Variants in PAK5 observed in about 807,000 individuals in gnomAD.
PAK5 encodes serine/threonine-protein kinase PAK 5.
PAK5 carries 16 observed loss-of-function variants against 65.9 expected under a neutral mutation model. The observed-to-expected ratio is 0.24, with a 90% CI of 0.16 to 0.37. The LOEUF is 0.37. Among genes scored for constraint, PAK5 ranks in the 10% least tolerant of loss-of-function variants. PAK5 has a pLI of 1.00. For synonymous variants in PAK5, 371 were observed against 354.9 expected (o/e 1.05, Z -0.51); for missense variants, 785 against 903.9 (o/e 0.87, Z 1.69).
chr20:9,762,234 T>C (rs993837406), intron 1 of PAK5, among the ~76,000 whole-genome samples: 3 of 152,040 alleles, frequency 2.0e-5, no homozygotes, highest in Non-Finnish European at 4.4e-5. Flanking sequence ...ACCCAAAGCA[T>C]AGGAAACAGA....
At chr20:9,726,403 G>A (rs1033147533) in intron 1 of PAK5, among the ~76,000 whole-genome samples, 2 of 152,102 alleles carry the variant, frequency 1.3e-5, no homozygotes, top group Non-Finnish European at 2.9e-5. Context: ...CAGTCAAAAA[G>A]TAATAGCCTC....
chr20:9,731,476 C>G (rs1411968377), intron 1 of PAK5, among the ~76,000 whole-genome samples: 1 of 152,090 alleles, frequency 6.6e-6, no homozygotes, highest in East Asian at 1.9e-4. Context: ...TTCTCAGTAG[C>G]CACATGTGGT....
chr20:9,577,924 G>A (rs1359963304), intron 4 of PAK5, among the ~76,000 whole-genome samples: 2 of 152,162 alleles, frequency 1.3e-5, no homozygotes, highest in East Asian at 1.9e-4. Context: ...AGATTTCAGG[G>A]CAGGTCTGCT....
intron 7 of PAK5, among the ~76,000 whole-genome samples, chr20:9,546,152 A>G (rs367634488): frequency 6.4e-4 from 97 of 152,238 alleles, no homozygotes; most frequent in African/African-American, 2.2e-3. Context: ...TATTATGGTA[A>G]TTTCCAAACA....
At chr20:9,549,472 G>A (rs561613171) in intron 7 of PAK5, among the ~76,000 whole-genome samples, 2 of 152,304 alleles carry the variant, frequency 1.3e-5, no homozygotes, top group Admixed American at 6.5e-5. Flanking sequence ...AGGGGCTGGA[G>A]TGATGGGGGA....
chr20:9,648,661 T>C (rs1237817541), intron 2 of PAK5, among the ~76,000 whole-genome samples: 3 of 152,146 alleles, frequency 2.0e-5, no homozygotes, highest in African/African-American at 7.2e-5. Flanking sequence ...GGTGTTATTA[T>C]CATCGCCCTT....
chr20:9,721,085 C>G (rs8118513), intron 1 of PAK5, among the ~76,000 whole-genome samples: 1 of 151,928 alleles, frequency 6.6e-6, no homozygotes, highest in Non-Finnish European at 1.5e-5. Context: ...TCATTTTAAA[C>G]GAGTTAATTG....
At chr20:9,567,326 A>C (rs2045699493) in intron 4 of PAK5, among the ~76,000 whole-genome samples, 1 of 152,034 alleles carries the variant, frequency 6.6e-6, no homozygotes, top group Non-Finnish European at 1.5e-5. Flanking sequence ...AGTCTCTATC[A>C]CTCTACTGGG....
intron 3 of PAK5, among the ~76,000 whole-genome samples, chr20:9,615,608 A>T (rs2046640962): frequency 6.6e-6 from 1 of 152,232 alleles, no homozygotes; most frequent in Non-Finnish European, 1.5e-5. Context: ...AGAAGTAAAA[A>T]CTATAACAAA....
intron 2 of PAK5, among the ~76,000 whole-genome samples, chr20:9,677,849 T>C (rs78885012): frequency 0.024 from 3,690 of 152,330 alleles, 102 homozygotes; most frequent in African/African-American, 0.063. Context: ...TTTATGCTCA[T>C]CACCACTTAA....
rs576123744 is a variant in PAK5, at chr20:9,813,152, C to T, written c.-162+25610G>A. Among the ~76,000 whole-genome samples, 126 of 151,954 alleles carry T rather than the reference C, an allele frequency of 8.3e-4. 1 individual carries two copies. The Middle Eastern group carries it at 0.01, about 12-fold the overall frequency. ...TAAGAGTACCTTATGTATGATTTCACGTATATAAAAAATTCTAGAAAATCC... is the reference window on the plus strand; with the variant it reads ...TAAGAGTACCTTATGTATGATTTCATGTATATAAAAAATTCTAGAAAATCC... On this transcript the variant is annotated intron_variant, in intron 1 of 9. Transcript: ENST00000353224.
At chr20:9,737,870 C>T (rs188483465) in intron 1 of PAK5, among the ~76,000 whole-genome samples, 8 of 151,830 alleles carry the variant, frequency 5.3e-5, no homozygotes, top group East Asian at 2.0e-4. Context: ...GGGCTGGGCA[C>T]GGTGGCTCAT....
At position 9,644,098 on chromosome 20, in the gene PAK5, C is replaced by CTCAA. The variant is rs749682504; in HGVS notation, c.204+26_204+27insTTGA. On this transcript the variant is annotated intron_variant, in intron 3 of 9. Transcript: ENST00000353224. ...TAAATAAGAGCATGATTCTTAAGCCCAGCCAAAGATGGAGCCCTCACCATA... is the reference window on the plus strand; with the variant it reads ...TAAATAAGAGCATGATTCTTAAGCCCTCAAAGCCAAAGATGGAGCCCTCACCATA... The CTCAA allele has an allele frequency of 1.7e-4, 263 of 1,571,848 alleles. No individual in the cohort carries two copies. The African/African-American group carries it at 3.3e-3, about 20-fold the overall frequency.
intron 2 of PAK5, among the ~76,000 whole-genome samples, chr20:9,664,313 C>T (rs139296102): frequency 6.6e-6 from 1 of 152,292 alleles, no homozygotes; most frequent in East Asian, 1.9e-4. Context: ...TTGACACCCT[C>T]TTTATAAAGA....
chr20:9,765,213 A>G (rs1652805070), intron 1 of PAK5, among the ~76,000 whole-genome samples: 1 of 152,180 alleles, frequency 6.6e-6, no homozygotes, highest in African/African-American at 2.4e-5. Context: ...ACAAACTCCT[A>G]TGGGTGAAAT....
At chr20:9,633,080 C>A (rs746667112) in intron 3 of PAK5, among the ~76,000 whole-genome samples, 1 of 152,182 alleles carries the variant, frequency 6.6e-6, no homozygotes, top group African/African-American at 2.4e-5. Context: ...GGTTGCACAA[C>A]AAACCACCCA....
intron 1 of PAK5, among the ~76,000 whole-genome samples, chr20:9,788,535 C>G (rs369288985): frequency 1.1e-4 from 16 of 152,178 alleles, no homozygotes; most frequent in Middle Eastern, 3.4e-3. Flanking sequence ...AAGGTAAAAT[C>G]TCTTCTATAA....
At chr20:9,592,256 C>T (rs2123067272) in intron 3 of PAK5, among the ~76,000 whole-genome samples, 1 of 152,274 alleles carries the variant, frequency 6.6e-6, no homozygotes, top group African/African-American at 2.4e-5. Context: ...TTCAATATTT[C>T]AGTGATAGGT....
chr20:9,566,765 A>G (rs1163398837), intron 4 of PAK5, among the ~76,000 whole-genome samples: 2 of 152,172 alleles, frequency 1.3e-5, no homozygotes, highest in Non-Finnish European at 2.9e-5. Flanking sequence ...TGGTATGGAC[A>G]TATATGTATA....
Sources: gnomAD v4.1 joint callset for allele counts (sites outside exome capture counted in the v4.1 genomes callset) on GRCh38, gnomAD v4.1.1 for gene constraint, MANE v1.5 for transcripts, NCBI Gene and HGNC (gene_info 2026-07-23, HGNC 2026-07-21) for gene names.